ASTN1: variants seen among roughly 807,000 people sequenced by gnomAD.
The protein encoded by ASTN1 is astrotactin-1.
Under a neutral mutation model 140.7 loss-of-function variants are expected in ASTN1, and 41 were observed. The observed-to-expected ratio is 0.29, with a 90% CI of 0.23 to 0.38. The LOEUF is 0.38. Ranked by LOEUF, ASTN1 falls within the 10% of genes least tolerant of loss-of-function variation. The pLI is 1.00. For synonymous variants in ASTN1, 640 were observed against 652.2 expected (o/e 0.98, Z 0.29); for missense variants, 1,479 against 1,678.8 (o/e 0.88, Z 2.08).
intron 2 of ASTN1, among the ~76,000 whole-genome samples, chr1:177,043,196 C>T (rs1677058664): frequency 6.6e-6 from 1 of 152,198 alleles, no homozygotes; most frequent in Non-Finnish European, 1.5e-5. Flanking sequence ...CACTAATGCA[C>T]ACAGACTCTG....
At chr1:176,921,692 C>T (rs1171542371) in intron 16 of ASTN1, among the ~76,000 whole-genome samples, 1 of 152,158 alleles carries the variant, frequency 6.6e-6, no homozygotes, top group African/African-American at 2.4e-5. Flanking sequence ...TTATGTCCAG[C>T]CTGTTCTTTT....
At chr1:176,991,671 C>G (rs1453956945) in intron 8 of ASTN1, among the ~76,000 whole-genome samples, 1 of 152,128 alleles carries the variant, frequency 6.6e-6, no homozygotes, top group Admixed American at 6.6e-5. Context: ...CTCTGACAGT[C>G]TAAGATCTAA....
chr1:176,968,444 A>G (rs145185403), intron 8 of ASTN1, among the ~76,000 whole-genome samples: 1 of 152,332 alleles, frequency 6.6e-6, no homozygotes, highest in East Asian at 1.9e-4. Context: ...CAACATGAGT[A>G]TGGAAAGGCC....
chr1:177,125,685 T>C (rs1451713204), intron 1 of ASTN1, among the ~76,000 whole-genome samples: 1 of 152,226 alleles, frequency 6.6e-6, no homozygotes, highest in African/African-American at 2.4e-5. Flanking sequence ...ACACCAAGTA[T>C]ATTACACGAA....
At chr1:177,015,847 G>A (rs1675519989) in intron 7 of ASTN1, among the ~76,000 whole-genome samples, 1 of 152,120 alleles carries the variant, frequency 6.6e-6, no homozygotes, top group Admixed American at 6.5e-5. Context: ...TATGCAATGA[G>A]ATGTAGCCCA....
rs116408575 is a variant in ASTN1 at position 177,152,970 on chromosome 1, G to C, written c.283+11424C>G. On this transcript the variant is annotated intron_variant, in intron 1 of 22. Transcript: ENST00000361833. ...ATGATAAAGGTGACATCTCAAATCA[G>C]AGGGGAGATTATGAGCTATTTAATA... Among the ~76,000 whole-genome samples, 504 of 152,296 alleles carry C rather than the reference G, an allele frequency of 3.3e-3. 3 individuals carry two copies. The highest frequency in any genetic ancestry group is 0.012 in the African/African-American group (481 of 41,570).
chr1:177,116,138 A>C (rs1446169684), intron 1 of ASTN1, among the ~76,000 whole-genome samples: 1 of 152,050 alleles, frequency 6.6e-6, no homozygotes, highest in Non-Finnish European at 1.5e-5. Context: ...CTTGCTTGGG[A>C]CTCCATAGCC....
At position 177,071,076 on chromosome 1, in the gene ASTN1, A is replaced by G. The variant is rs1678613711; in HGVS notation, c.284-9811T>C. On this transcript the variant is annotated intron_variant, in intron 1 of 22. Coordinates refer to ENST00000361833, the MANE Select transcript of ASTN1 (RefSeq NM_004319.3). ...AAGTCCAGGAACTATAAGTCCAGGA[A>G]TCAGCTCAGTTCCAGTTGAGAAGCC... Among the ~76,000 whole-genome samples, 3 of 152,220 alleles carry G rather than the reference A, an allele frequency of 2.0e-5. No individual in the cohort carries two copies. The South Asian group carries it at 6.2e-4, about 32-fold the overall frequency.
intron 16 of ASTN1, among the ~76,000 whole-genome samples, chr1:176,904,672 G>C (rs1217520216): frequency 6.6e-6 from 1 of 152,168 alleles, no homozygotes; most frequent in Non-Finnish European, 1.5e-5. Flanking sequence ...TGCTTGGGAG[G>C]CTGAGCTGAG....
intron 1 of ASTN1, among the ~76,000 whole-genome samples, chr1:177,107,990 C>T (rs1358931349): frequency 6.6e-6 from 1 of 151,974 alleles, no homozygotes; most frequent in Non-Finnish European, 1.5e-5. Context: ...GTTGATGCTC[C>T]ACAATGCTAT....
At chr1:177,071,750 T>C (rs1273315613) in intron 1 of ASTN1, among the ~76,000 whole-genome samples, 1 of 152,196 alleles carries the variant, frequency 6.6e-6, no homozygotes, top group Non-Finnish European at 1.5e-5. Context: ...TGGTATTTTT[T>C]GTCTCTCTGT....
At chr1:176,884,582 C>A in intron 18 of ASTN1, 92 bp from the exon 19 acceptor site, 1 of 1,381,526 alleles carries the variant, frequency 7.2e-7, no homozygotes, top group Non-Finnish European at 9.9e-7. Flanking sequence ...GTAAGCTTTT[C>A]TTTCCCAACC....
intron 1 of ASTN1, among the ~76,000 whole-genome samples, chr1:177,109,193 T>C (rs974809363): frequency 1.3e-5 from 2 of 152,102 alleles, no homozygotes; most frequent in African/African-American, 4.8e-5. Flanking sequence ...GAATACTGGA[T>C]TTTTTGTTCA....
intron 20 of ASTN1, among the ~76,000 whole-genome samples, chr1:176,879,458 A>G (rs1008935983): frequency 3.3e-5 from 5 of 152,132 alleles, no homozygotes; most frequent in Non-Finnish European, 7.4e-5. Context: ...TTTGTAGCCC[A>G]CCATTCCTTA....
chr1:177,131,571 T>C (rs1681943918), intron 1 of ASTN1, among the ~76,000 whole-genome samples: 1 of 151,978 alleles, frequency 6.6e-6, no homozygotes, highest in Non-Finnish European at 1.5e-5. Context: ...TTTGTGTATA[T>C]TAAATTTTTA....
At chr1:176,971,683 C>T (rs1673146128) in intron 8 of ASTN1, among the ~76,000 whole-genome samples, 1 of 152,116 alleles carries the variant, frequency 6.6e-6, no homozygotes, top group Non-Finnish European at 1.5e-5. Flanking sequence ...TATATAGTGA[C>T]TATTTTCTGC....
In ASTN1 at chr1:176,863,376, G is replaced by C. The variant is rs1668028826; in HGVS notation, c.*908C>G. 1.0e-6 allele frequency: 1 copy of C among 985,716 alleles called. No homozygotes were observed. The highest frequency in any genetic ancestry group is 1.7e-5 in the African/African-American group (1 of 57,224). The allele number at this position is 985,716 out of a possible 1,614,324, so 61.1% of individuals were successfully genotyped here. A position where few individuals can be genotyped will look rare whatever the true frequency, so the allele number is the denominator to read the frequency against. On this transcript the variant is annotated 3_prime_UTR_variant, in exon 23 of 23. Transcript: ENST00000361833. ...TTACCTGTCCAAGGTAAGAGGTGTGGGGGTTAAAGATAATCCAGGCACATG... is the reference window on the plus strand; with the variant it reads ...TTACCTGTCCAAGGTAAGAGGTGTGCGGGTTAAAGATAATCCAGGCACATG...
intron 1 of ASTN1, among the ~76,000 whole-genome samples, chr1:177,135,336 G>A (rs1682140645): frequency 6.6e-6 from 1 of 151,150 alleles, no homozygotes; most frequent in Admixed American, 6.6e-5. Context: ...TGCTAATCCA[G>A]CCAATACCCC....
chr1:176,859,089 C>A (rs370236671), downstream of ASTN1, among the ~76,000 whole-genome samples: 1 of 152,166 alleles, frequency 6.6e-6, no homozygotes, highest in Admixed American at 6.5e-5. Flanking sequence ...CATTTGCATC[C>A]AAAAAGTTCC....
Sources: allele counts gnomAD v4.1 joint callset (sites outside exome capture counted in the v4.1 genomes callset), GRCh38; gene constraint gnomAD v4.1.1; transcripts MANE v1.5; gene names NCBI Gene and HGNC (gene_info 2026-07-23, HGNC 2026-07-21).